The following SLC6A17 variants were observed in gnomAD, a reference collection of about 807,000 sequenced individuals.
SLC6A17 encodes sodium-dependent neutral amino acid transporter SLC6A17.
SLC6A17 carries 21 observed loss-of-function variants against 64.5 expected under a neutral mutation model. The ratio of observed to expected loss-of-function variants is 0.33; its 90% CI spans 0.23 to 0.47. The LOEUF (loss-of-function observed/expected upper bound fraction) is 0.47, where lower values mean the gene tolerates loss of function less well. Among genes scored for constraint, SLC6A17 ranks in the 20% least tolerant of loss-of-function variants. SLC6A17 has a pLI of 1.00. For synonymous variants in SLC6A17, 372 were observed against 399.5 expected (o/e 0.93, Z 0.82); for missense variants, 682 against 963.2 (o/e 0.71, Z 3.86).
At chr1:110,172,432 T>TG in intron 3 of SLC6A17, 2 of 611,860 alleles carry the variant, frequency 3.3e-6, no homozygotes, top group Non-Finnish European at 5.5e-6. Flanking sequence ...TGAAACAGCA[T>TG]GGAAGATTTG....
At chr1:110,185,305 C>T (rs999647378) in intron 6 of SLC6A17, among the ~76,000 whole-genome samples, 2 of 152,370 alleles carry the variant, frequency 1.3e-5, no homozygotes, top group African/African-American at 2.4e-5. Context: ...TTATTATCCT[C>T]GTCCCTTGTG....
intron 4 of SLC6A17, 63 bp from the exon 5 acceptor site, chr1:110,174,716 A>G: frequency 1.3e-6 from 2 of 1,571,716 alleles, no homozygotes; most frequent in Non-Finnish European, 1.7e-6. Context: ...GTGGTGGTCC[A>G]GCAGAGGAAG....
At chr1:110,164,658 G>C (rs1655998459) in intron 1 of SLC6A17, among the ~76,000 whole-genome samples, 1 of 152,222 alleles carries the variant, frequency 6.6e-6, no homozygotes, top group African/African-American at 2.4e-5. Context: ...TGGGAAGAAG[G>C]AGGAAGCTCG....
intron 8 of SLC6A17, among the ~76,000 whole-genome samples, chr1:110,194,220 G>A (rs1656902662): frequency 6.6e-6 from 1 of 152,164 alleles, no homozygotes; most frequent in South Asian, 2.1e-4. Flanking sequence ...AGCTGGGAGC[G>A]GCCACAGTGT....
intron 1 of SLC6A17, among the ~76,000 whole-genome samples, chr1:110,153,269 A>G (rs765109843): frequency 5.9e-5 from 9 of 152,046 alleles, no homozygotes; most frequent in Non-Finnish European, 7.4e-5. Flanking sequence ...TTCTATCCAT[A>G]ATAGAATTGA....
In SLC6A17 at chr1:110,197,450, C is replaced by A; in HGVS notation, c.1666C>A (p.Leu556Met). Reference protein sequence around the residue: ...IYGTKKFMQELTEMLGFRPYR... With the variant: ...IYGTKKFMQEMTEMLGFRPYR... ...TATGCCTGGCAGGTTCATGCAGGAGCTGACGGAGATGCTGGGCTTCCGCCC... is the reference window on the plus strand; with the variant it reads ...TATGCCTGGCAGGTTCATGCAGGAGATGACGGAGATGCTGGGCTTCCGCCC... The change falls in exon 11 of 12, where the codon CTG becomes ATG. Residue 556 changes from leucine to methionine, a missense_variant. Coordinates refer to ENST00000331565, the MANE Select transcript of SLC6A17 (RefSeq NM_001010898.4). The A allele has an allele frequency of 6.2e-7, 1 of 1,612,078 alleles. No individual in the cohort carries two copies. Among genetic ancestry groups the A allele is most frequent in the South Asian group, 1.1e-5 (1 of 90,744 alleles).
chr1:110,156,737 T>G (rs1276092545), intron 1 of SLC6A17, among the ~76,000 whole-genome samples: 1 of 152,194 alleles, frequency 6.6e-6, no homozygotes, highest in Non-Finnish European at 1.5e-5. Flanking sequence ...TCTACAAAGC[T>G]GCACTGGAGG....
intron 6 of SLC6A17, 120 bp downstream of exon 6, chr1:110,176,859 T>G: frequency 1.1e-6 from 1 of 872,686 alleles, no homozygotes. Flanking sequence ...TTGGGTATCG[T>G]ACCAGGCCCT....
chr1:110,169,416 T>C (rs1656157774), intron 2 of SLC6A17, among the ~76,000 whole-genome samples: 1 of 152,158 alleles, frequency 6.6e-6, no homozygotes, highest in Non-Finnish European at 1.5e-5. Context: ...AGCAATTTTA[T>C]ACGTAACATT....
chr1:110,167,402 G>A (rs1212743651), intron 2 of SLC6A17, among the ~76,000 whole-genome samples, 187 bp downstream of exon 2: 1 of 152,178 alleles, frequency 6.6e-6, no homozygotes, highest in African/African-American at 2.4e-5. Context: ...TACAGGACAT[G>A]ATAAGAAAGT....
intron 9 of SLC6A17, among the ~76,000 whole-genome samples, 155 bp from the exon 10 acceptor site, chr1:110,195,431 T>G (rs1656935490): frequency 6.6e-6 from 1 of 152,200 alleles, no homozygotes; most frequent in African/African-American, 2.4e-5. Context: ...CCTGAGCATC[T>G]GGATCCCTCG....
intron 6 of SLC6A17, among the ~76,000 whole-genome samples, chr1:110,191,584 A>G (rs1656825112): frequency 6.6e-6 from 1 of 152,114 alleles, no homozygotes; most frequent in South Asian, 2.1e-4. Flanking sequence ...GGACTCTAGG[A>G]GGCACCTGTC....
In SLC6A17 at chr1:110,200,975, ATG is replaced by A. The variant is rs1054335916; in HGVS notation, c.*2535_*2536del. 6.6e-6 allele frequency: 1 copy of A among 152,010 alleles called. No homozygotes were observed. Among genetic ancestry groups the A allele is most frequent in the Non-Finnish European group, 1.5e-5 (1 of 68,006 alleles). The allele number at this position is 152,010 out of a possible 1,614,324, so 9.4% of individuals were successfully genotyped here. On this transcript the variant is annotated 3_prime_UTR_variant, in exon 12 of 12. Transcript: ENST00000331565. ...GGAGCCCCCTGCTACGGGGAAAGGC[ATG>A]TGTTTCTTGCTGGTGACTCATTGCC... is the stretch of plus-strand genomic sequence containing the variant.
intron 6 of SLC6A17, among the ~76,000 whole-genome samples, chr1:110,180,277 T>C (rs1159542401): frequency 1.3e-5 from 2 of 152,110 alleles, no homozygotes; most frequent in Non-Finnish European, 2.9e-5. Flanking sequence ...AATAGAAACG[T>C]CCCCTACCTT....
chr1:110,181,011 A>G (rs929558162), intron 6 of SLC6A17, among the ~76,000 whole-genome samples: 7 of 152,268 alleles, frequency 4.6e-5, no homozygotes, highest in African/African-American at 1.4e-4. Context: ...GTTACCGGGT[A>G]TGATGAATGC....
chr1:110,191,514 C>T (rs1028936208), intron 6 of SLC6A17, among the ~76,000 whole-genome samples: 21 of 151,934 alleles, frequency 1.4e-4, no homozygotes, highest in African/African-American at 5.1e-4. Flanking sequence ...GTGGAGAAGG[C>T]GTCAGGGAGA....
chr1:110,184,871 A>G (rs569962624), intron 6 of SLC6A17, among the ~76,000 whole-genome samples: 2 of 152,328 alleles, frequency 1.3e-5, no homozygotes, highest in South Asian at 4.1e-4. Flanking sequence ...AACTGACATC[A>G]TGGGTACATC....
chr1:110,185,004 G>A (rs1331320868), intron 6 of SLC6A17, among the ~76,000 whole-genome samples: 1 of 152,160 alleles, frequency 6.6e-6, no homozygotes, highest in Non-Finnish European at 1.5e-5. Context: ...AGGCCCAGGG[G>A]TGGAGGTTAG....
intron 10 of SLC6A17, among the ~76,000 whole-genome samples, chr1:110,196,975 G>A (rs1158695708): frequency 1.3e-5 from 2 of 152,222 alleles, no homozygotes; most frequent in East Asian, 1.9e-4. Flanking sequence ...TGCCATTCAA[G>A]CACAAGCCTG....
Sources: allele counts gnomAD v4.1 joint callset (sites outside exome capture counted in the v4.1 genomes callset), GRCh38; gene constraint gnomAD v4.1.1; transcripts MANE v1.5; gene names NCBI Gene and HGNC (gene_info 2026-07-23, HGNC 2026-07-21).